Variants in FOXN3 observed in about 807,000 individuals in gnomAD.
The protein encoded by FOXN3 is forkhead box protein N3.
In FOXN3, 7 loss-of-function variants were observed where a neutral mutation model predicts 38.4. The ratio of observed to expected loss-of-function variants is 0.18; its 90% CI spans 0.10 to 0.34. The LOEUF is 0.34. Ranked by LOEUF, FOXN3 falls within the 10% of genes least tolerant of loss-of-function variation. The pLI is 1.00. For missense variants in FOXN3, 456 were observed against 613.4 expected (o/e 0.74, Z 2.71); for synonymous variants, 230 against 242.2 (o/e 0.95, Z 0.47).
At chr14:89,172,605 T>C (rs1887418918) in intron 5 of FOXN3, among the ~76,000 whole-genome samples, 1 of 152,156 alleles carries the variant, frequency 6.6e-6, no homozygotes, top group Admixed American at 6.5e-5. Context: ...CTCCCAGACT[T>C]AAGAACTTAC....
intron 1 of FOXN3, among the ~76,000 whole-genome samples, chr14:89,499,784 T>A (rs78433882): frequency 0.01 from 1,586 of 152,328 alleles, 20 homozygotes; most frequent in African/African-American, 0.035. Flanking sequence ...GCTTCTCACA[T>A]GTTCCCTGTG....
intron 4 of FOXN3, among the ~76,000 whole-genome samples, chr14:89,187,986 T>A (rs902283861): frequency 2.0e-5 from 3 of 152,190 alleles, no homozygotes; most frequent in Admixed American, 1.3e-4. Context: ...TTTACTTCTC[T>A]GTTATTCCTG....
chr14:89,354,813 C>T lies in FOXN3; in HGVS notation c.544-4005G>A, dbSNP rs182599612. Among the ~76,000 whole-genome samples, 1,492 of 151,882 alleles carry T rather than the reference C, an allele frequency of 9.8e-3. 20 individuals carry two copies. The highest frequency in any genetic ancestry group is 0.034 in the African/African-American group (1,423 of 41,434). On this transcript the variant is annotated intron_variant, in intron 2 of 5. Coordinates refer to ENST00000557258, the MANE Select transcript of FOXN3 (RefSeq NM_005197.4). ...GAGGTTGCAGTGAGCTGAGATCGTG[C>T]CATTGCACTCCAGCCTGGGTGACAG...
chr14:89,404,781 G>A (rs780596193), intron 2 of FOXN3, among the ~76,000 whole-genome samples: 1 of 152,020 alleles, frequency 6.6e-6, no homozygotes, highest in African/African-American at 2.4e-5. Flanking sequence ...GGACAAGGCA[G>A]CCCCAGGTCG....
rs1476502911 is a variant in FOXN3 at position 89,162,426 on chromosome 14, G to C, written c.1395C>G (p.Thr465=). 4 of 1,553,530 alleles carry C rather than the reference G, an allele frequency of 2.6e-6. No homozygotes were observed. The South Asian group carries it at 4.8e-5, about 19-fold the overall frequency. ...TAKGQKEQKE[T]TKN ...CAGTGACTTGTTTTTAATTTTTTGTGGTTTCCTTTTGCTCTTTCTGCCCCT... is the reference window on the plus strand; with the variant it reads ...CAGTGACTTGTTTTTAATTTTTTGTCGTTTCCTTTTGCTCTTTCTGCCCCT... The change falls in exon 6 of 6, where the codon ACC becomes ACG. Residue 465 remains threonine (T), a synonymous_variant. Coordinates refer to ENST00000557258, the MANE Select transcript of FOXN3 (RefSeq NM_005197.4). This position sits in a 1 kb window ranked among gnomAD's most constrained non-coding sequence, Gnocchi z 7.2.
intron 1 of FOXN3, among the ~76,000 whole-genome samples, chr14:89,542,413 CT>C (rs1477436551): frequency 2.0e-4 from 30 of 152,190 alleles, no homozygotes; most frequent in Non-Finnish European, 1.5e-4. Context: ...AAATCTCAGC[CT>C]CATTTTCCTA....
At chr14:89,408,270 C>T (rs906609139) in intron 2 of FOXN3, among the ~76,000 whole-genome samples, 5 of 151,064 alleles carry the variant, frequency 3.3e-5, no homozygotes, top group African/African-American at 9.8e-5. Flanking sequence ...CCCAAGAAAA[C>T]GGGAATTTTT....
chr14:89,423,992 C>G (rs1348058651), intron 1 of FOXN3, among the ~76,000 whole-genome samples: 1 of 152,196 alleles, frequency 6.6e-6, no homozygotes, highest in Non-Finnish European at 1.5e-5. Context: ...CAGTGCACAC[C>G]TGGCATTTAT....
chr14:89,293,983 C>G (rs1004681313), intron 3 of FOXN3, among the ~76,000 whole-genome samples: 1 of 152,198 alleles, frequency 6.6e-6, no homozygotes, highest in African/African-American at 2.4e-5. Flanking sequence ...ACGGACCCAG[C>G]CTTTGGTAAT....
chr14:89,350,893 C>A, intron 2 of FOXN3, 85 bp from the exon 3 acceptor site: 1 of 1,032,350 alleles, frequency 9.7e-7, no homozygotes, highest in Non-Finnish European at 1.3e-6. Context: ...ATTATCACTT[C>A]TTTATTTTTA....
At chr14:89,470,677 T>A (rs1428325148) in intron 1 of FOXN3, among the ~76,000 whole-genome samples, 1 of 152,244 alleles carries the variant, frequency 6.6e-6, no homozygotes, top group African/African-American at 2.4e-5. Flanking sequence ...CATGAATTTC[T>A]TTTGGGGCCT....
chr14:89,518,288 T>C (rs1894248338), intron 1 of FOXN3, among the ~76,000 whole-genome samples: 1 of 152,206 alleles, frequency 6.6e-6, no homozygotes, highest in Admixed American at 6.5e-5. Context: ...GTAAAACTTC[T>C]ATGTGCTTCT....
At chr14:89,429,179 C>T (rs1892107899) in intron 1 of FOXN3, among the ~76,000 whole-genome samples, 1 of 152,216 alleles carries the variant, frequency 6.6e-6, no homozygotes, top group Non-Finnish European at 1.5e-5. Context: ...GTCATGCTGT[C>T]AACCCCTTTG....
At chr14:89,486,369 CT>C (rs1400998940) in intron 1 of FOXN3, among the ~76,000 whole-genome samples, 18 of 151,890 alleles carry the variant, frequency 1.2e-4, no homozygotes, top group Non-Finnish European at 2.4e-4. Flanking sequence ...ATCTTAATGC[CT>C]AAATTGGATT....
intron 1 of FOXN3, among the ~76,000 whole-genome samples, chr14:89,477,129 C>G (rs1893227266): frequency 6.6e-6 from 1 of 152,158 alleles, no homozygotes; most frequent in Non-Finnish European, 1.5e-5. Flanking sequence ...TGGGGGAACA[C>G]TCACGTTTGA....
chr14:89,435,083 T>C (rs1206351515), intron 1 of FOXN3, among the ~76,000 whole-genome samples: 1 of 152,132 alleles, frequency 6.6e-6, no homozygotes, highest in Non-Finnish European at 1.5e-5. Context: ...TAAAACTCTC[T>C]TACTAAGGCA....
chr14:89,322,082 A>C (rs1372777482), intron 3 of FOXN3, among the ~76,000 whole-genome samples: 2 of 152,214 alleles, frequency 1.3e-5, no homozygotes, highest in East Asian at 1.9e-4. Flanking sequence ...CCAGGGCCAC[A>C]GTTGCCTTAA....
chr14:89,560,438 G>A (rs186061595), intron 1 of FOXN3, among the ~76,000 whole-genome samples: 3 of 152,288 alleles, frequency 2.0e-5, no homozygotes, highest in Non-Finnish European at 4.4e-5. Flanking sequence ...CTAGATACAA[G>A]GATAGGGAAC....
rs538312728 is a variant in FOXN3 at position 89,374,032 on chromosome 14, G to A, written c.544-23224C>T. Among the ~76,000 whole-genome samples, 6 of 152,078 alleles carry A rather than the reference G, an allele frequency of 3.9e-5. No individual in the cohort carries two copies. The East Asian group carries it at 5.8e-4, about 15-fold the overall frequency. ...TGTAATGCCAGCATTTTGGGAGGCC[G>A]ATGCAGGAGGATTGCTTGAACCCAG... On this transcript the variant is annotated intron_variant, in intron 2 of 5. Coordinates refer to ENST00000557258, the MANE Select transcript of FOXN3 (RefSeq NM_005197.4).
Sources: allele counts gnomAD v4.1 joint callset (sites outside exome capture counted in the v4.1 genomes callset), GRCh38; gene constraint gnomAD v4.1.1; non-coding constraint Gnocchi (gnomAD v3.1); transcripts MANE v1.5; gene names NCBI Gene and HGNC (gene_info 2026-07-23, HGNC 2026-07-21).